The following ERC2 variants were observed in gnomAD, a reference collection of about 807,000 sequenced individuals.
ERC2 encodes the protein ELKS/RAB6-interacting/CAST family member 2.
A neutral mutation model predicts 114.8 loss-of-function variants in ERC2; 42 were observed. That is an observed-to-expected ratio of 0.37 (90% CI 0.29 to 0.47). The LOEUF (loss-of-function observed/expected upper bound fraction) is 0.47, where lower values mean the gene tolerates loss of function less well. ERC2 is among the 20% of genes least tolerant of loss of function. ERC2 has a pLI of 0.99. For synonymous variants in ERC2, 454 were observed against 425.5 expected, an observed-to-expected ratio of 1.07 and a Z score of -0.82; for missense variants, 939 against 1,150.7, an observed-to-expected ratio of 0.82 and a Z score of 2.66.
chr3:55,542,174 A>G (rs1477380567), intron 17 of ERC2, among the ~76,000 whole-genome samples: 1 of 152,198 alleles, frequency 6.6e-6, no homozygotes, highest in Non-Finnish European at 1.5e-5. Context: ...CCTATATCCT[A>G]CAGAAGAGGT....
intron 2 of ERC2, among the ~76,000 whole-genome samples, chr3:56,405,985 C>A (rs1210359359): frequency 6.6e-6 from 1 of 150,984 alleles, no homozygotes; most frequent in Non-Finnish European, 1.5e-5. Flanking sequence ...CTCCACCTCC[C>A]AGGTTCAAGC....
At chr3:55,609,575 T>C (rs1418981549) in intron 17 of ERC2, among the ~76,000 whole-genome samples, 1 of 152,230 alleles carries the variant, frequency 6.6e-6, no homozygotes, top group East Asian at 1.9e-4. Flanking sequence ...TGTCGCTTCA[T>C]GCTGCGAGTT....
At chr3:56,092,463 T>C (rs2077846353) in intron 6 of ERC2, among the ~76,000 whole-genome samples, 1 of 152,194 alleles carries the variant, frequency 6.6e-6, no homozygotes, top group Admixed American at 6.5e-5. Flanking sequence ...AATTTAATGC[T>C]CAGTTCAGTT....
intron 14 of ERC2, among the ~76,000 whole-genome samples, chr3:55,875,526 G>A (rs1026785150): frequency 4.6e-5 from 7 of 152,106 alleles, no homozygotes; most frequent in South Asian, 4.1e-4. Flanking sequence ...CCCAAATTCC[G>A]TGACTGGAAC....
intron 7 of ERC2, among the ~76,000 whole-genome samples, chr3:56,062,632 C>T (rs910952851): frequency 1.3e-5 from 2 of 152,166 alleles, no homozygotes; most frequent in Admixed American, 1.3e-4. Flanking sequence ...CGTTTCAGCA[C>T]AACCCATTGC....
Position 56,434,978 on chromosome 3 carries a change from A to C in ERC2, c.30T>G (p.Asn10Lys). 1.2e-6 allele frequency: 2 copies of C among 1,611,936 alleles called. No homozygotes were observed. The highest frequency in any genetic ancestry group is 2.2e-5 in the South Asian group (2 of 91,022). The change falls in exon 2 of 18, where the codon AAT becomes AAG. Residue 10 changes from asparagine (N) to lysine (K), a missense_variant. Asn to Lys is a moderately conservative substitution (Grantham distance 94). Transcript: ENST00000288221. ...GGGATCTGGAAGGGCTACCTTCCAG[A>C]TTGGTGATTGTTCTTGCACTTCCAT... MYGSARTIT[N>K]LEGSPSRSPR... is the part of the protein sequence containing the mutation.
In ERC2 at chr3:56,383,335, T is replaced by C. The variant is rs914824028; in HGVS notation, c.657+51016A>G. 4.6e-5 allele frequency among the ~76,000 whole-genome samples: 7 copies of C among 152,298 alleles called. No homozygotes were observed. The East Asian group carries it at 1.4e-3, about 29-fold the overall frequency. On this transcript the variant is annotated intron_variant, in intron 2 of 17. Coordinates refer to ENST00000288221, the MANE Select transcript of ERC2 (RefSeq NM_015576.3). ...GTCGCTAAAATGGACAACAAATCCT[T>C]CCATGATCCGGTGCCTTTCCTTCTA... is the stretch of plus-strand genomic sequence containing the variant.
At chr3:56,273,870 A>G (rs1055322388) in intron 3 of ERC2, among the ~76,000 whole-genome samples, 3 of 152,218 alleles carry the variant, frequency 2.0e-5, no homozygotes. Flanking sequence ...ATATATGCAA[A>G]TCCATGATCT....
At chr3:55,915,361 C>G (rs1161632004) in intron 13 of ERC2, among the ~76,000 whole-genome samples, 2 of 151,968 alleles carry the variant, frequency 1.3e-5, no homozygotes, top group Non-Finnish European at 2.9e-5. Context: ...AAAAAAAAGT[C>G]TGCAGTACAA....
At chr3:55,874,954 T>C (rs2062756176) in intron 14 of ERC2, among the ~76,000 whole-genome samples, 1 of 151,776 alleles carries the variant, frequency 6.6e-6, no homozygotes, top group Non-Finnish European at 1.5e-5. Context: ...AGGGAGAAAA[T>C]CCTCTAGATT....
chr3:56,161,600 A>G (rs577803989), intron 4 of ERC2, among the ~76,000 whole-genome samples: 1 of 152,280 alleles, frequency 6.6e-6, no homozygotes, highest in South Asian at 2.1e-4. Context: ...TTCTTCTCAT[A>G]GAGATCTTTC....
In ERC2 at chr3:56,135,409, C is replaced by T. The variant is rs150124899; in HGVS notation, c.1473+4100G>A. Among the ~76,000 whole-genome samples, 15 of 152,196 alleles carry T rather than the reference C, an allele frequency of 9.9e-5. No individual in the cohort carries two copies. The East Asian group carries it at 2.9e-3, about 29-fold the overall frequency. ...GCACATACCAAAAATTCAAAAGAGACCCACAAAGTGAAACACAGAACAGAT... is the reference window on the plus strand; with the variant it reads ...GCACATACCAAAAATTCAAAAGAGATCCACAAAGTGAAACACAGAACAGAT... On this transcript the variant is annotated intron_variant, in intron 6 of 17. Coordinates refer to ENST00000288221, the MANE Select transcript of ERC2 (RefSeq NM_015576.3).
intron 14 of ERC2, among the ~76,000 whole-genome samples, chr3:55,827,451 G>A (rs2060377131): frequency 6.6e-6 from 1 of 151,804 alleles, no homozygotes; most frequent in Admixed American, 6.6e-5. Flanking sequence ...AGGAAGAAAG[G>A]AAGAGAAGGG....
At chr3:55,616,772 A>G (rs2059138681) in intron 17 of ERC2, among the ~76,000 whole-genome samples, 1 of 152,128 alleles carries the variant, frequency 6.6e-6, no homozygotes, top group South Asian at 2.1e-4. Context: ...AGGAAATTCA[A>G]GGCACACAGT....
chr3:55,776,468 G>A (rs138937252), intron 14 of ERC2, among the ~76,000 whole-genome samples: 2,925 of 152,282 alleles, frequency 0.019, 60 homozygotes, highest in Non-Finnish European at 0.029. Context: ...GAGTGGAGAC[G>A]ATGGGACTAA....
chr3:56,261,449 A>G (rs2052921426), intron 3 of ERC2, among the ~76,000 whole-genome samples: 1 of 152,156 alleles, frequency 6.6e-6, no homozygotes, highest in Admixed American at 6.5e-5. Context: ...AGCCTCCCCT[A>G]CCTTTCACCC....
At chr3:55,878,818 A>T (rs559305082) in intron 14 of ERC2, among the ~76,000 whole-genome samples, 3 of 152,340 alleles carry the variant, frequency 2.0e-5, no homozygotes, top group Admixed American at 6.5e-5. Flanking sequence ...TTCTCTGAAG[A>T]CATTTTAATC....
At chr3:55,822,339 C>A (rs2060157850) in intron 14 of ERC2, among the ~76,000 whole-genome samples, 1 of 152,094 alleles carries the variant, frequency 6.6e-6, no homozygotes, top group Admixed American at 6.5e-5. Context: ...CACATGGGGC[C>A]TGTTTCTGAA....
At position 56,102,175 on chromosome 3, in the gene ERC2, G is replaced by GA. The variant is rs531922743; in HGVS notation, c.1474-21192dup. On this transcript the variant is annotated intron_variant, in intron 6 of 17. Coordinates refer to ENST00000288221, the MANE Select transcript of ERC2 (RefSeq NM_015576.3). The stretch of plus-strand genomic sequence containing the variant: ...AATCAAATGCAAATGGAGGTCAGGC[G>GA]AGTGACACAAGCGCTCCCTCCAGCT... 8.5e-5 allele frequency among the ~76,000 whole-genome samples: 13 copies of GA among 152,238 alleles called. No individual in the cohort carries two copies. The South Asian group carries it at 2.5e-3, about 29-fold the overall frequency.
Sources: gnomAD v4.1 joint callset for allele counts (sites outside exome capture counted in the v4.1 genomes callset) on GRCh38, gnomAD v4.1.1 for gene constraint, MANE v1.5 for transcripts, NCBI Gene and HGNC (gene_info 2026-07-23, HGNC 2026-07-21) for gene names.